DENND1B: variants seen among roughly 807,000 people sequenced by gnomAD.
The protein encoded by DENND1B is DENN domain containing 1B.
A neutral mutation model predicts 90.1 loss-of-function variants in DENND1B; 59 were observed. The observed-to-expected ratio is 0.65, with a 90% CI of 0.53 to 0.81. DENND1B has a LOEUF of 0.81. Among genes scored for constraint, DENND1B ranks in the 40% least tolerant of loss-of-function variants. The pLI is 0.00. For synonymous variants in DENND1B, 337 were observed against 324.6 expected, an observed-to-expected ratio of 1.04 and a Z score of -0.41; for missense variants, 862 against 912.6, an observed-to-expected ratio of 0.94 and a Z score of 0.71.
At chr1:197,766,717 C>T (rs187955066) in intron 2 of DENND1B, among the ~76,000 whole-genome samples, 6 of 152,254 alleles carry the variant, frequency 3.9e-5, no homozygotes, top group African/African-American at 1.4e-4. Context: ...TTTCTACAAG[C>T]AGCTCTCTGT....
chr1:197,523,008 AT>A (rs1417446034), intron 20 of DENND1B, among the ~76,000 whole-genome samples: 1 of 152,070 alleles, frequency 6.6e-6, no homozygotes, highest in African/African-American at 2.4e-5. Context: ...AATTTCTTTA[AT>A]TTTATTTCCA....
chr1:197,694,523 A>T (rs1184267704), intron 3 of DENND1B, among the ~76,000 whole-genome samples: 1 of 151,322 alleles, frequency 6.6e-6, no homozygotes, highest in Admixed American at 6.6e-5. Context: ...ACTTCAGGAG[A>T]ATTGCTTCTA....
intron 15 of DENND1B, among the ~76,000 whole-genome samples, chr1:197,558,759 G>C (rs898520446): frequency 1.6e-4 from 24 of 151,902 alleles, no homozygotes; most frequent in African/African-American, 5.3e-4. Flanking sequence ...ATGTCACTAA[G>C]GTTTTTAGAA....
chr1:197,569,855 A>G (rs1673002661), intron 15 of DENND1B, among the ~76,000 whole-genome samples: 1 of 152,138 alleles, frequency 6.6e-6, no homozygotes, highest in South Asian at 2.1e-4. Context: ...TGGAGAGTAC[A>G]GTTAATAACT....
At chr1:197,726,340 C>T (rs1558448794) in intron 2 of DENND1B, among the ~76,000 whole-genome samples, 2 of 152,148 alleles carry the variant, frequency 1.3e-5, no homozygotes, top group Non-Finnish European at 2.9e-5. Context: ...AGAAGCCCTC[C>T]CTACTCACTT....
chr1:197,755,173 G>A (rs1415528757), intron 2 of DENND1B, among the ~76,000 whole-genome samples: 1 of 152,152 alleles, frequency 6.6e-6, no homozygotes, highest in Non-Finnish European at 1.5e-5. Context: ...AAAAGTGTGG[G>A]TTTTAGAGTT....
chr1:197,771,549 A>G (rs1267535749), intron 2 of DENND1B, among the ~76,000 whole-genome samples: 1 of 152,222 alleles, frequency 6.6e-6, no homozygotes, highest in African/African-American at 2.4e-5. Flanking sequence ...CCAGGAGTAC[A>G]GTAGTAGGGC....
At chr1:197,576,137 G>A (rs1051793174) in intron 15 of DENND1B, among the ~76,000 whole-genome samples, 2 of 152,032 alleles carry the variant, frequency 1.3e-5, no homozygotes, top group African/African-American at 4.8e-5. Flanking sequence ...AGAAAAGACA[G>A]AATGATCAAT....
At chr1:197,744,667 G>A (rs993912468) in intron 2 of DENND1B, among the ~76,000 whole-genome samples, 8 of 152,164 alleles carry the variant, frequency 5.3e-5, no homozygotes, top group African/African-American at 9.7e-5. Context: ...ATTGATAAAT[G>A]AGCACTGGCT....
At chr1:197,774,943 CG>C (rs1657089031) in intron 1 of DENND1B, among the ~76,000 whole-genome samples, 195 bp downstream of exon 1, 1 of 152,088 alleles carries the variant, frequency 6.6e-6, no homozygotes, top group Non-Finnish European at 1.5e-5. Flanking sequence ...GGACGCAGGG[CG>C]GGCAGGCTTT....
At chr1:197,629,208 C>T (rs1366832057) in intron 10 of DENND1B, among the ~76,000 whole-genome samples, 4 of 151,996 alleles carry the variant, frequency 2.6e-5, no homozygotes, top group Non-Finnish European at 5.9e-5. Flanking sequence ...AATCATGCTG[C>T]TATAAAGACA....
In DENND1B at chr1:197,754,659, C is replaced by CAAAAAAAAAAAAAA. The variant is rs57926782; in HGVS notation, c.82+18195_82+18208dup. On this transcript the variant is annotated intron_variant, in intron 2 of 22. Coordinates refer to ENST00000620048, the MANE Select transcript of DENND1B (RefSeq NM_001195215.2). The stretch of plus-strand genomic sequence containing the variant: ...TGGGCAACAATGCGAGACTCTGTCT[C>CAAAAAAAAAAAAAA]AAAAAAAAAAAAAAAAAAAAAAAAA... 3.8e-4 allele frequency among the ~76,000 whole-genome samples: 28 copies of CAAAAAAAAAAAAAA among 72,880 alleles called. 1 individual carries two copies. Among genetic ancestry groups the CAAAAAAAAAAAAAA allele is most frequent in the African/African-American group, 8.8e-4 (16 of 18,082 alleles). 47.8% of individuals were successfully genotyped at this position (72,880 alleles called of 152,430 possible). A position where few individuals can be genotyped will look rare whatever the true frequency, so the allele number is the denominator to read the frequency against.
At chr1:197,542,045 G>GC (rs1388535961) in intron 18 of DENND1B, among the ~76,000 whole-genome samples, 1 of 152,110 alleles carries the variant, frequency 6.6e-6, no homozygotes, top group Non-Finnish European at 1.5e-5. Flanking sequence ...AACCTGGAAG[G>GC]CCGGATATAG....
upstream of DENND1B, among the ~76,000 whole-genome samples, chr1:197,778,274 A>T (rs1340289958): frequency 3.3e-5 from 5 of 152,184 alleles, no homozygotes; most frequent in South Asian, 6.2e-4. Context: ...TTTCTAAACC[A>T]TCATGTTTCA....
intron 13 of DENND1B, among the ~76,000 whole-genome samples, chr1:197,596,309 AAGG>A (rs973102548): frequency 1.3e-5 from 2 of 152,036 alleles, no homozygotes; most frequent in African/African-American, 4.8e-5. Context: ...CTTATTTTTT[AAGG>A]AGGAGGAGAT....
At chr1:197,644,079 A>G (rs1262587150) in intron 9 of DENND1B, among the ~76,000 whole-genome samples, 1 of 152,220 alleles carries the variant, frequency 6.6e-6, no homozygotes, top group East Asian at 1.9e-4. Context: ...ACCTGTAACT[A>G]TCAGTGGGTG....
At chr1:197,566,675 A>C (rs1396591882) in intron 15 of DENND1B, among the ~76,000 whole-genome samples, 1 of 152,094 alleles carries the variant, frequency 6.6e-6, no homozygotes, top group Non-Finnish European at 1.5e-5. Context: ...AGCTATTAGG[A>C]TACAAAAACA....
chr1:197,724,394 A>T (rs561112069), intron 2 of DENND1B, among the ~76,000 whole-genome samples: 10 of 152,190 alleles, frequency 6.6e-5, no homozygotes, highest in Non-Finnish European at 1.5e-4. Flanking sequence ...ATTCTAATGA[A>T]TATAATAAAG....
intron 3 of DENND1B, among the ~76,000 whole-genome samples, chr1:197,691,380 G>A (rs1159449032): frequency 6.6e-6 from 1 of 151,748 alleles, no homozygotes. Context: ...CACTAATTAT[G>A]AAGGAAATGC....
Sources: gnomAD v4.1 joint callset for allele counts (sites outside exome capture counted in the v4.1 genomes callset) on GRCh38, gnomAD v4.1.1 for gene constraint, MANE v1.5 for transcripts, NCBI Gene and HGNC (gene_info 2026-07-23, HGNC 2026-07-21) for gene names.